The following DNAH9 variants were observed in gnomAD, a reference collection of about 807,000 sequenced individuals.
The protein encoded by DNAH9 is DNAH9 variant protein.
A neutral mutation model predicts 471.6 loss-of-function variants in DNAH9; 345 were observed. The ratio of observed to expected loss-of-function variants is 0.73; its 90% CI spans 0.67 to 0.80. DNAH9 has a LOEUF of 0.80. Among genes scored for constraint, DNAH9 ranks in the 30% least tolerant of loss-of-function variants. DNAH9 has a pLI of 0.00. For missense variants in DNAH9, 5,407 were observed against 5,609.2 expected, an observed-to-expected ratio of 0.96 and a Z score of 1.15; for synonymous variants, 2,093 against 2,123.6, an observed-to-expected ratio of 0.99 and a Z score of 0.40.
intron 67 of DNAH9, among the ~76,000 whole-genome samples, chr17:11,960,580 T>G (rs974628096): frequency 6.7e-6 from 1 of 150,348 alleles, no homozygotes; most frequent in Admixed American, 6.6e-5. Context: ...GCCAACATGG[T>G]GAAACCCCAT....
rs143035750 is a variant in DNAH9 at position 11,944,096 on chromosome 17, G to T, written c.12843+1611G>T. 3.9e-4 allele frequency among the ~76,000 whole-genome samples: 60 copies of T among 152,292 alleles called. 1 individual carries two copies. In the East Asian group the frequency reaches 7.7e-3, roughly 20 times the overall value. On this transcript the variant is annotated intron_variant, in intron 67 of 68. Transcript: ENST00000262442. ...TGCAGTTGGTGTCATGAATCTCGGA[G>T]CTTGCCTGGGCAAAGATGCAGGGTG...
chr17:11,809,389 C>A (rs1366008669), intron 44 of DNAH9, among the ~76,000 whole-genome samples: 2 of 151,920 alleles, frequency 1.3e-5, no homozygotes, highest in African/African-American at 2.4e-5. Context: ...CATGGTGAAA[C>A]CCCATCTCTA....
chr17:11,669,329 C>A, intron 16 of DNAH9, 41 bp from the exon 17 acceptor site: 1 of 1,597,364 alleles, frequency 6.3e-7, no homozygotes, highest in Non-Finnish European at 8.5e-7. Context: ...CTTCCTGCCA[C>A]ACACTGGTGT....
intron 49 of DNAH9, among the ~76,000 whole-genome samples, chr17:11,843,861 GTGTATATATATA>G (rs1335302389): frequency 1.8e-5 from 1 of 54,184 alleles, no homozygotes; most frequent in African/African-American, 7.6e-5. Context: ...GTGTGTGTGT[GTGTATATATATA>G]TATATATATA....
intron 42 of DNAH9, among the ~76,000 whole-genome samples, chr17:11,794,968 A>T (rs56132255): frequency 0.16 from 24,928 of 151,842 alleles, 2,130 homozygotes; most frequent in African/African-American, 0.18. Flanking sequence ...AGATATAACT[A>T]ATGTAAATGA....
chr17:11,690,677 C>A (rs549196687), intron 20 of DNAH9, among the ~76,000 whole-genome samples: 1 of 144,742 alleles, frequency 6.9e-6, no homozygotes, highest in Admixed American at 6.8e-5. Flanking sequence ...GAAAGGAAAA[C>A]CTCATTCAGA....
intron 68 of DNAH9, among the ~76,000 whole-genome samples, chr17:11,969,062 T>C (rs1976981102): frequency 6.6e-6 from 1 of 152,208 alleles, no homozygotes; most frequent in East Asian, 1.9e-4. Context: ...TTCATTTGTA[T>C]ATGATAATAG....
At position 11,610,396 on chromosome 17, in the gene DNAH9, C is replaced by G. The variant is rs369344808; in HGVS notation, c.615C>G (p.Val205=). The change falls in exon 3 of 69, where the codon GTC becomes GTG. Residue 205 remains valine (V), a splice_region_variant and synonymous_variant. Transcript: ENST00000262442. The part of the protein sequence containing the change: ...MEFADSKSET[V]LDSIDKSVIY... Reference sequence around the variant, plus strand: ...ATTGTTGTTGTTTTGTCTTTCACAGCTTGGATTCTATAGATAAGTCAGTCA... The same window carrying G: ...ATTGTTGTTGTTTTGTCTTTCACAGGTTGGATTCTATAGATAAGTCAGTCA... 71 of 1,610,766 alleles carry G rather than the reference C, an allele frequency of 4.4e-5. 1 individual carries two copies. Among genetic ancestry groups the G allele is most frequent in the East Asian group, 1.6e-4 (7 of 44,798 alleles).
rs188717079 is a variant in DNAH9 at position 11,777,551 on chromosome 17, A to C, written c.7553-3458A>C. 1.7e-3 allele frequency among the ~76,000 whole-genome samples: 256 copies of C among 152,366 alleles called. 1 individual carries two copies. The highest frequency in any genetic ancestry group is 0.016 in the Admixed American group (247 of 15,306). The stretch of plus-strand genomic sequence containing the variant: ...CAATGGGCTTATAGTTTTAGTGTAC[A>C]GAGAGAAGGCCAAAGATCAAGCTCA... On this transcript the variant is annotated intron_variant, in intron 38 of 68. Transcript: ENST00000262442.
At chr17:11,639,422 C>T (rs890768628) in intron 9 of DNAH9, among the ~76,000 whole-genome samples, 2 of 152,220 alleles carry the variant, frequency 1.3e-5, no homozygotes, top group Non-Finnish European at 2.9e-5. Flanking sequence ...CGAAACCTCA[C>T]ATTTGTTAAA....
intron 67 of DNAH9, among the ~76,000 whole-genome samples, chr17:11,960,519 T>G (rs1490747051): frequency 6.9e-6 from 1 of 145,910 alleles, no homozygotes; most frequent in Non-Finnish European, 1.5e-5. Context: ...TTCTGGAGAT[T>G]GAGGTGGGCA....
intron 27 of DNAH9, 128 bp from the exon 28 acceptor site, chr17:11,727,690 A>T (rs2075179963): frequency 1.6e-6 from 1 of 638,046 alleles, no homozygotes; most frequent in Non-Finnish European, 2.8e-6. Context: ...AAATTTTAAT[A>T]CAAGTTTCTG....
chr17:11,758,531 G>A (rs1036774599), intron 35 of DNAH9, among the ~76,000 whole-genome samples: 3 of 152,076 alleles, frequency 2.0e-5, no homozygotes, highest in Non-Finnish European at 2.9e-5. Flanking sequence ...TATGTTTCCC[G>A]GAAACTAAAG....
At chr17:11,758,974 T>TA (rs972398534) in intron 35 of DNAH9, among the ~76,000 whole-genome samples, 1 of 151,858 alleles carries the variant, frequency 6.6e-6, no homozygotes, top group African/African-American at 2.4e-5. Context: ...CCCGTGTAGC[T>TA]AAAAAAGTCT....
rs61749487 is a variant in DNAH9 at position 11,875,160 on chromosome 17, G to A, written c.10454G>A (p.Arg3485Gln). ...AAGAATAAATATGGTGAAGATCTCC[G>A]GGTCACGCAGATTGGTCAGAAAGGG... Reference protein sequence around the residue: ...WIKNKYGEDLRVTQIGQKGYL... With the variant: ...WIKNKYGEDLQVTQIGQKGYL... Residue 3485 changes from arginine to glutamine, a missense_variant, in exon 53 of 69, where the codon CGG becomes CAG. Physicochemically the swap from Arg to Gln is conservative, Grantham distance 43. Around this residue, in one of 3 missense-constraint regions of DNAH9, gnomAD observed 4,636 missense variants for 4,900.3 expected, o/e 0.95. Coordinates refer to ENST00000262442, the MANE Select transcript of DNAH9 (RefSeq NM_001372.4). The A allele has an allele frequency of 5.3e-5, 86 of 1,613,574 alleles. No homozygotes were observed. In the East Asian group the frequency reaches 8.9e-4, roughly 17 times the overall value.
chr17:11,688,634 G>A (rs1236024990), intron 19 of DNAH9, among the ~76,000 whole-genome samples: 2 of 152,152 alleles, frequency 1.3e-5, no homozygotes, highest in African/African-American at 2.4e-5. Context: ...TCTGGGTCCC[G>A]CCCCCAGTGG....
intron 59 of DNAH9, among the ~76,000 whole-genome samples, chr17:11,901,761 T>C (rs1473697662): frequency 1.3e-5 from 2 of 152,122 alleles, no homozygotes; most frequent in African/African-American, 4.8e-5. Context: ...TATATATCTG[T>C]CACAAAAAAA....
intron 41 of DNAH9, among the ~76,000 whole-genome samples, chr17:11,790,451 T>A (rs1434900942): frequency 6.6e-6 from 1 of 152,066 alleles, no homozygotes; most frequent in Non-Finnish European, 1.5e-5. Flanking sequence ...GATGTTTGCT[T>A]TAAAGTCAAT....
chr17:11,684,423 G>A (rs191134247), intron 19 of DNAH9, among the ~76,000 whole-genome samples: 56 of 152,150 alleles, frequency 3.7e-4, no homozygotes, highest in Middle Eastern at 6.8e-3. Flanking sequence ...ACAGTAATTG[G>A]CTAAATCATC....
Sources: gnomAD v4.1 joint callset for allele counts (sites outside exome capture counted in the v4.1 genomes callset) on GRCh38, gnomAD v4.1.1 for gene constraint, gnomAD v4.1.1 regional missense constraint, MANE v1.5 for transcripts, NCBI Gene and HGNC (gene_info 2026-07-23, HGNC 2026-07-21) for gene names.